The following JMJD1C variants were observed in gnomAD, a reference collection of about 807,000 sequenced individuals.
JMJD1C encodes the protein jumonji domain-containing protein 1C.
Under a neutral mutation model 245.3 loss-of-function variants are expected in JMJD1C, and 31 were observed. The observed-to-expected ratio is 0.13, with a 90% CI of 0.09 to 0.17. The LOEUF is 0.17. JMJD1C is among the 10% of genes least tolerant of loss of function. The pLI is 1.00. For synonymous variants in JMJD1C, 1,057 were observed against 1,017.4 expected, an observed-to-expected ratio of 1.04 and a Z score of -0.74; for missense variants, 2,691 against 3,000.2, an observed-to-expected ratio of 0.90 and a Z score of 2.41.
At chr10:63,447,810 A>C (rs1207935342) in intron 1 of JMJD1C, among the ~76,000 whole-genome samples, 1 of 151,930 alleles carries the variant, frequency 6.6e-6, no homozygotes, top group African/African-American at 2.4e-5. Context: ...ATGGTGGCAC[A>C]CACCTGTACT....
chr10:63,362,721 T>C (rs983951182), intron 2 of JMJD1C, among the ~76,000 whole-genome samples: 12 of 152,106 alleles, frequency 7.9e-5, no homozygotes, highest in African/African-American at 2.4e-4. Flanking sequence ...GCTCAAGCAA[T>C]CTGCCTGCCT....
intron 2 of JMJD1C, among the ~76,000 whole-genome samples, chr10:63,333,481 G>T (rs1366278281): frequency 2.6e-5 from 4 of 152,064 alleles, no homozygotes; most frequent in Admixed American, 1.3e-4. Flanking sequence ...CTACGAGGTT[G>T]AGGCTGCAAC....
At chr10:63,449,141 A>G (rs1300987321) in intron 1 of JMJD1C, among the ~76,000 whole-genome samples, 1 of 152,128 alleles carries the variant, frequency 6.6e-6, no homozygotes, top group Non-Finnish European at 1.5e-5. Context: ...ATAAAATAAA[A>G]TAAAATGTAA....
intron 1 of JMJD1C, among the ~76,000 whole-genome samples, chr10:63,450,974 C>T (rs1952030785): frequency 1.4e-5 from 2 of 145,602 alleles, no homozygotes; most frequent in Non-Finnish European, 1.5e-5. Flanking sequence ...TTGCAGTATA[C>T]AAAAATCAAC....
At chr10:63,381,902 T>C (rs773275824) in intron 1 of JMJD1C, among the ~76,000 whole-genome samples, 1 of 152,100 alleles carries the variant, frequency 6.6e-6, no homozygotes, top group Non-Finnish European at 1.5e-5. Flanking sequence ...AAGGAGAGGT[T>C]AGAAAATGTT....
intron 2 of JMJD1C, chr10:63,301,658 C>T (rs1231676718): frequency 1.3e-5 from 5 of 384,734 alleles, no homozygotes; most frequent in East Asian, 9.0e-5. Context: ...AGGGCCTGTC[C>T]GGGGCCTGAC....
chr10:63,222,855 G>T, intron 3 of JMJD1C: 8 of 1,447,632 alleles, frequency 5.5e-6, no homozygotes, highest in Non-Finnish European at 7.8e-6. Context: ...ACACATGCTG[G>T]ATCAAAATAT....
At chr10:63,274,582 A>T (rs1856613318) in intron 2 of JMJD1C, among the ~76,000 whole-genome samples, 1 of 152,226 alleles carries the variant, frequency 6.6e-6, no homozygotes, top group African/African-American at 2.4e-5. Flanking sequence ...AAAACAAAAA[A>T]GTTTTTAACA....
chr10:63,505,584 T>C (rs553041612), intron 1 of JMJD1C, among the ~76,000 whole-genome samples: 38 of 152,040 alleles, frequency 2.5e-4, no homozygotes, highest in Non-Finnish European at 4.7e-4. Flanking sequence ...GCTAATTATA[T>C]ATTTAATTAT....
chr10:63,244,447 C>T (rs1454529405), intron 3 of JMJD1C, among the ~76,000 whole-genome samples: 1 of 151,990 alleles, frequency 6.6e-6, no homozygotes, highest in Non-Finnish European at 1.5e-5. Context: ...TAATTAAAGC[C>T]AAAACACGCC....
At chr10:63,187,606 T>G (rs1844280229) in intron 18 of JMJD1C, among the ~76,000 whole-genome samples, 1 of 152,088 alleles carries the variant, frequency 6.6e-6, no homozygotes, top group African/African-American at 2.4e-5. Context: ...TCTGGCTAAT[T>G]AAAATTTTTT....
chr10:63,235,250 C>A (rs776116512), intron 3 of JMJD1C, among the ~76,000 whole-genome samples: 4 of 152,114 alleles, frequency 2.6e-5, no homozygotes, highest in Non-Finnish European at 5.9e-5. Context: ...AATCCCAGCA[C>A]TTTGGAAGGC....
At chr10:63,397,158 T>C (rs1013696580) in intron 1 of JMJD1C, among the ~76,000 whole-genome samples, 2 of 152,366 alleles carry the variant, frequency 1.3e-5, no homozygotes, top group Middle Eastern at 3.4e-3. Flanking sequence ...TTACATTTAA[T>C]AAATAACCAC....
intron 3 of JMJD1C, among the ~76,000 whole-genome samples, chr10:63,263,982 A>ACACT (rs1554861362): frequency 0.01 from 1,116 of 110,022 alleles, 128 homozygotes; most frequent in Non-Finnish European, 0.014. Flanking sequence ...ACACACACAC[A>ACACT]CACACACACA....
intron 24 of JMJD1C, 35 bp downstream of exon 24, chr10:63,176,262 A>C: frequency 6.7e-7 from 1 of 1,485,040 alleles, no homozygotes; most frequent in Non-Finnish European, 9.1e-7. Flanking sequence ...TCTTTCAGTC[A>C]GTAAAAAATA....
At chr10:63,331,400 G>C (rs1184252914) in intron 2 of JMJD1C, among the ~76,000 whole-genome samples, 1 of 152,074 alleles carries the variant, frequency 6.6e-6, no homozygotes, top group Non-Finnish European at 1.5e-5. Flanking sequence ...TGCACAATTA[G>C]AATTACATTT....
At chr10:63,206,355 G>T (rs1233607790) in intron 10 of JMJD1C, among the ~76,000 whole-genome samples, 2 of 152,156 alleles carry the variant, frequency 1.3e-5, no homozygotes, top group Admixed American at 1.3e-4. Context: ...TGACTGTCAG[G>T]TAAGATATAT....
chr10:63,307,355 G>C (rs4508088), intron 2 of JMJD1C, among the ~76,000 whole-genome samples: 21,461 of 152,140 alleles, frequency 0.14, 3,460 homozygotes, highest in African/African-American at 0.4. Flanking sequence ...TTAAAAATAA[G>C]GCGGACAATT....
chr10:63,182,495 AT>A (rs2132873717), intron 22 of JMJD1C, among the ~76,000 whole-genome samples: 1 of 152,332 alleles, frequency 6.6e-6, no homozygotes, highest in East Asian at 1.9e-4. Flanking sequence ...ATGGTAAAAT[AT>A]TTCTTATGAG....
Sources: allele counts gnomAD v4.1 joint callset (sites outside exome capture counted in the v4.1 genomes callset), GRCh38; gene constraint gnomAD v4.1.1; transcripts MANE v1.5; gene names NCBI Gene and HGNC (gene_info 2026-07-23, HGNC 2026-07-21).